The following MAMSTR variants were observed in gnomAD, a reference collection of about 807,000 sequenced individuals.
MAMSTR encodes the protein MEF2 activating motif and SAP domain containing transcriptional regulator.
A neutral mutation model predicts 42.7 loss-of-function variants in MAMSTR; 41 were observed. That is an observed-to-expected ratio of 0.96 (90% CI 0.75 to 1.25). The LOEUF is 1.25. MAMSTR is among the 50% of genes most tolerant of loss of function. MAMSTR has a pLI of 0.00. For missense variants in MAMSTR, 567 were observed against 557.6 expected (o/e 1.02, Z -0.17); for synonymous variants, 265 against 244.1 (o/e 1.09, Z -0.80).
At chr19:48,707,838 G>GGAAATAAA (rs1555755166), downstream of MAMSTR, among the ~76,000 whole-genome samples, 1 of 90,902 alleles carries the variant, frequency 1.1e-5, no homozygotes, top group Non-Finnish European at 2.1e-5. Context: ...AAGAAAGAAA[G>GGAAATAAA]GAAAGAAAGA....
At chr19:48,715,872 C>A in intron 3 of MAMSTR, 105 bp from the exon 4 acceptor site, 7 of 1,475,134 alleles carry the variant, frequency 4.7e-6, no homozygotes, top group African/African-American at 1.5e-5. Context: ...GAGGGCAGGC[C>A]AGGGAGCAAG....
rs1302384932 is a variant in MAMSTR, at chr19:48,713,070, G to A, written c.*197C>T. Reference sequence around the variant, plus strand: ...GCCCCCCAACCATACCACGCCGGAGGGGGATCATAAGGAGGCCAGGTAGGC... The same window carrying A: ...GCCCCCCAACCATACCACGCCGGAGAGGGATCATAAGGAGGCCAGGTAGGC... On this transcript the variant is annotated 3_prime_UTR_variant, in exon 10 of 10. Transcript: ENST00000318083. The A allele has an allele frequency of 1.9e-6, 1 of 530,992 alleles. No homozygotes were observed. The highest frequency in any genetic ancestry group is 3.2e-6 in the Non-Finnish European group (1 of 308,534). 32.9% of individuals were successfully genotyped at this position (530,992 alleles called of 1,614,324 possible).
At position 48,713,512 on chromosome 19, in the gene MAMSTR, A is replaced by C. The variant is rs867137574; in HGVS notation, c.1003T>G (p.Phe335Val). ...PPIPLDFPGS[F>V]DVLSPSPDSE... The stretch of plus-strand genomic sequence containing the variant: ...TCCGGGGAGGGGGACAGCACGTCGA[A>C]GGAGCCAGGGAAGTCCAGGGGAATA... The change falls in exon 10 of 10, where the codon TTC (phenylalanine) becomes GTC (valine). Residue 335 changes from phenylalanine to valine, a missense_variant. Physicochemically the swap from Phe to Val is conservative, Grantham distance 50 (BLOSUM62 -1). Transcript: ENST00000318083. 1.2e-6 allele frequency: 2 copies of C among 1,612,638 alleles called. No individual in the cohort carries two copies. Among genetic ancestry groups the C allele is most frequent in the African/African-American group, 2.7e-5 (2 of 74,846 alleles).
At chr19:48,710,092 C>T (rs190256899), downstream of MAMSTR, among the ~76,000 whole-genome samples, 2 of 151,344 alleles carry the variant, frequency 1.3e-5, no homozygotes, top group African/African-American at 4.9e-5. Flanking sequence ...CTCCGGACCT[C>T]GTGATCCACC....
Position 48,713,530 on chromosome 19 carries a change from G to A in MAMSTR, c.985C>T (p.Leu329=), listed in dbSNP as rs762618775. 13 of 1,611,730 alleles carry A rather than the reference G, an allele frequency of 8.1e-6. No homozygotes were observed. Among genetic ancestry groups the A allele is most frequent in the Non-Finnish European group, 1.1e-5 (13 of 1,179,324 alleles). Residue 329 remains leucine, a synonymous_variant, in exon 10 of 10, where the codon CTG becomes TTG. Transcript: ENST00000318083. ...ACGTCGAAGGAGCCAGGGAAGTCCAGGGGAATAGGGGGCAGGGGGTCTGCG... is the reference window on the plus strand; with the variant it reads ...ACGTCGAAGGAGCCAGGGAAGTCCAAGGGAATAGGGGGCAGGGGGTCTGCG... ...EPDDPLPPIP[L]DFPGSFDVLS...
rs1361717738 is a variant in MAMSTR at position 48,712,977 on chromosome 19, A to G, written c.*290T>C. 1 of 329,132 alleles carries G rather than the reference A, an allele frequency of 3.0e-6. No homozygotes were observed. The highest frequency in any genetic ancestry group is 5.5e-6 in the Non-Finnish European group (1 of 182,028). The allele number at this position is 329,132 out of a possible 1,614,324, so 20.4% of individuals were successfully genotyped here. On this transcript the variant is annotated 3_prime_UTR_variant, in exon 10 of 10. Coordinates refer to ENST00000318083, the MANE Select transcript of MAMSTR (RefSeq NM_001130915.2). ...CCATCTACCGGGGTCGGGGGCATGT[A>G]AGAACATCCATGAGGTCTCTGAAGG...
intron 2 of MAMSTR, among the ~76,000 whole-genome samples, chr19:48,718,231 C>A (rs1471358688): frequency 6.6e-6 from 1 of 152,198 alleles, no homozygotes; most frequent in Admixed American, 6.5e-5. Context: ...CTGCTTTTCT[C>A]TGGACATATG....
At chr19:48,710,644 T>A (rs2032708705), downstream of MAMSTR, among the ~76,000 whole-genome samples, 1 of 149,208 alleles carries the variant, frequency 6.7e-6, no homozygotes, top group Non-Finnish European at 1.5e-5. Flanking sequence ...TCACCCAGGC[T>A]GGAGTGCAGT....
downstream of MAMSTR, among the ~76,000 whole-genome samples, chr19:48,707,838 G>GGAAAGAAAAGAAA (rs2032667307): frequency 4.4e-5 from 4 of 90,902 alleles, no homozygotes; most frequent in African/African-American, 1.9e-4. Flanking sequence ...AAGAAAGAAA[G>GGAAAGAAAAGAAA]GAAAGAAAGA....
intron 7 of MAMSTR, 84 bp downstream of exon 7, chr19:48,714,282 T>C (rs1283398909): frequency 6.8e-6 from 8 of 1,174,952 alleles, no homozygotes; most frequent in Admixed American, 3.7e-5. Flanking sequence ...CCCCCACACT[T>C]CATTGGCTAG....
chr19:48,708,776 G>A (rs1171531992), downstream of MAMSTR, among the ~76,000 whole-genome samples: 1 of 152,158 alleles, frequency 6.6e-6, no homozygotes, highest in Non-Finnish European at 1.5e-5. Flanking sequence ...TGAAAGACGA[G>A]TGCCCGAGAC....
downstream of MAMSTR, among the ~76,000 whole-genome samples, chr19:48,710,981 G>A (rs2122253617): frequency 2.0e-5 from 3 of 152,292 alleles, no homozygotes; most frequent in Admixed American, 2.0e-4. Context: ...GGGAGTTTAT[G>A]TCATTCCTCC....
At chr19:48,709,771 G>T (rs1315841094), downstream of MAMSTR, among the ~76,000 whole-genome samples, 1 of 152,140 alleles carries the variant, frequency 6.6e-6, no homozygotes, top group African/African-American at 2.4e-5. Context: ...AAAAACTCAG[G>T]ACAGCCTCTA....
Position 48,719,138 on chromosome 19 carries a change from G to T in MAMSTR, c.-21-86C>A. The T allele has an allele frequency of 1.1e-6, 1 of 911,494 alleles. No individual in the cohort carries two copies. The highest frequency in any genetic ancestry group is 1.7e-6 in the Non-Finnish European group (1 of 577,324). 56.5% of individuals were successfully genotyped at this position (911,494 alleles called of 1,614,324 possible). A position where few individuals can be genotyped will look rare whatever the true frequency, so the allele number is the denominator to read the frequency against. On this transcript the variant is annotated intron_variant, in intron 1 of 9. Transcript: ENST00000318083. The surrounding 1 kb of genome is among the most constrained non-coding windows in gnomAD (Gnocchi z 4.4). Reference sequence around the variant, plus strand: ...GAGGCCGCCCCTGAGAGTGAATTCAGCAGGGAAAGGGCCCGAAGGAGGTGG... The same window carrying T: ...GAGGCCGCCCCTGAGAGTGAATTCATCAGGGAAAGGGCCCGAAGGAGGTGG...
At position 48,713,869 on chromosome 19, in the gene MAMSTR, C is replaced by T; in HGVS notation, c.900G>A (p.Arg300=). The T allele has an allele frequency of 6.2e-7, 1 of 1,612,874 alleles. No homozygotes were observed. The highest frequency in any genetic ancestry group is 8.5e-7 in the Non-Finnish European group (1 of 1,179,020). ...ACCCACACCCTCTTACCTGCGCCCT[C>T]CGGATCGCTTCCTGCAGCTCCTCCT... ...TLEEELQEAI[R]RAQLLPNRGI... The change falls in exon 8 of 10, where the codon CGG becomes CGA. Residue 300 remains arginine, a synonymous_variant. Coordinates refer to ENST00000318083, the MANE Select transcript of MAMSTR (RefSeq NM_001130915.2).
In MAMSTR at chr19:48,714,454, G is replaced by C. The variant is rs760065235; in HGVS notation, c.635C>G (p.Pro212Arg). The C allele has an allele frequency of 1.5e-6, 2 of 1,357,592 alleles. No homozygotes were observed. Among genetic ancestry groups the C allele is most frequent in the South Asian group, 2.0e-5 (1 of 51,030 alleles). 84.1% of individuals were successfully genotyped at this position (1,357,592 alleles called of 1,614,324 possible). Residue 212 changes from proline (P) to arginine (R), a missense_variant, in exon 7 of 10, where the codon CCG (proline) becomes CGG (arginine). Physicochemically the swap from Pro to Arg is moderately radical, Grantham distance 103. Coordinates refer to ENST00000318083, the MANE Select transcript of MAMSTR (RefSeq NM_001130915.2). ...GGGACTGTCCTCGCGCCGCGGCTTC[G>C]GCCGCTCGCGGGGCGGCGCGCCGCC... ...MRGGAPPRER[P>R]KPRREDSPAG... is the part of the protein sequence containing the mutation.
Position 48,719,102 on chromosome 19 carries a change from G to T in MAMSTR, c.-21-50C>A. On this transcript the variant is annotated intron_variant, in intron 1 of 9. Transcript: ENST00000318083. This position sits in a 1 kb window ranked among gnomAD's most constrained non-coding sequence, Gnocchi z 4.4. ...GGGCCCCATAGAGGGCTGGCTCAGA[G>T]TGGAGGTCAGGAGGCCGCCCCTGAG... 2 of 1,363,352 alleles carry T rather than the reference G, an allele frequency of 1.5e-6. No homozygotes were observed. Among genetic ancestry groups the T allele is most frequent in the Non-Finnish European group, 1.0e-6 (1 of 980,632 alleles). 84.5% of individuals were successfully genotyped at this position (1,363,352 alleles called of 1,614,324 possible).
chr19:48,707,490 C>T, the MAMSTR span, among the ~76,000 whole-genome samples: 4 of 151,956 alleles, frequency 2.6e-5, no homozygotes, highest in African/African-American at 9.7e-5. Context: ...TCTGTAATCC[C>T]AGCACTTTGG....
chr19:48,714,759 C>G (rs763523304), intron 6 of MAMSTR, 47 bp downstream of exon 6: 3 of 1,453,102 alleles, frequency 2.1e-6, no homozygotes, highest in Non-Finnish European at 2.9e-6. Flanking sequence ...ATTCTGGGAC[C>G]CCACCGAAGG....
Sources: gnomAD v4.1 joint callset for allele counts (sites outside exome capture counted in the v4.1 genomes callset) on GRCh38, gnomAD v4.1.1 for gene constraint, Gnocchi (gnomAD v3.1) non-coding constraint, MANE v1.5 for transcripts, NCBI Gene and HGNC (gene_info 2026-07-23, HGNC 2026-07-21) for gene names.